CSMD3: variants seen among roughly 807,000 people sequenced by gnomAD.
The protein encoded by CSMD3 is CUB and sushi domain-containing protein 3.
A neutral mutation model predicts 435.2 loss-of-function variants in CSMD3; 177 were observed. The ratio of observed to expected loss-of-function variants is 0.41; its 90% CI spans 0.36 to 0.46. The LOEUF is 0.46. Ranked by LOEUF, CSMD3 falls within the 20% of genes least tolerant of loss-of-function variation. CSMD3 has a pLI of 0.34. For missense variants in CSMD3, 4,265 were observed against 4,504.6 expected, an observed-to-expected ratio of 0.95 and a Z score of 1.52; for synonymous variants, 1,656 against 1,520.5, an observed-to-expected ratio of 1.09 and a Z score of -2.07.
At chr8:112,804,976 T>A (rs16884105) in intron 12 of CSMD3, among the ~76,000 whole-genome samples, 4,200 of 152,214 alleles carry the variant, frequency 0.028, 92 homozygotes, top group East Asian at 0.074. Flanking sequence ...TGCTACTTAT[T>A]CTGTGATTTC....
chr8:112,426,345 A>C (rs1039892865), intron 32 of CSMD3, among the ~76,000 whole-genome samples: 1 of 152,144 alleles, frequency 6.6e-6, no homozygotes, highest in Admixed American at 6.6e-5. Context: ...TCATTTCATC[A>C]AAGCAACTAA....
chr8:113,079,730 T>C (rs939612772), intron 5 of CSMD3, among the ~76,000 whole-genome samples: 9 of 152,144 alleles, frequency 5.9e-5, no homozygotes, highest in African/African-American at 1.9e-4. Flanking sequence ...AAATGTTTTT[T>C]TCGTTTGATG....
At position 112,690,061 on chromosome 8, in the gene CSMD3, A is replaced by C. The variant is rs777545533; in HGVS notation, c.1973-11T>G. ...TTTCTTTCTCAATTTCTGGAAAAATAGAAGATAAAAGTCACCTTCCAAGGG... is the reference window on the plus strand; with the variant it reads ...TTTCTTTCTCAATTTCTGGAAAAATCGAAGATAAAAGTCACCTTCCAAGGG... On this transcript the variant is annotated splice_polypyrimidine_tract_variant and intron_variant, in intron 13 of 70. Coordinates refer to ENST00000297405, the MANE Select transcript of CSMD3 (RefSeq NM_198123.2). 6.2e-7 allele frequency: 1 copy of C among 1,609,554 alleles called. No individual in the cohort carries two copies. Among genetic ancestry groups the C allele is most frequent in the Non-Finnish European group, 8.5e-7 (1 of 1,176,226 alleles).
intron 1 of CSMD3, among the ~76,000 whole-genome samples, chr8:113,354,612 T>C (rs962805828): frequency 6.6e-6 from 1 of 152,044 alleles, no homozygotes; most frequent in East Asian, 1.9e-4. Flanking sequence ...TAACATAACA[T>C]AGAAATTTGT....
intron 32 of CSMD3, among the ~76,000 whole-genome samples, chr8:112,422,120 C>T (rs1051154988): frequency 4.6e-5 from 7 of 152,056 alleles, no homozygotes; most frequent in Non-Finnish European, 8.8e-5. Context: ...ACATTAAAAA[C>T]TACTGAGAAA....
At chr8:112,964,579 T>C (rs1004256311) in intron 7 of CSMD3, among the ~76,000 whole-genome samples, 2 of 151,934 alleles carry the variant, frequency 1.3e-5, no homozygotes, top group African/African-American at 4.8e-5. Context: ...CAAATAATCA[T>C]CTAGTCCTTT....
intron 34 of CSMD3, among the ~76,000 whole-genome samples, chr8:112,407,315 T>C (rs188280715): frequency 2.6e-5 from 4 of 152,216 alleles, no homozygotes; most frequent in East Asian, 3.9e-4. Flanking sequence ...TTAATAATCA[T>C]ACAATATCAG....
intron 10 of CSMD3, among the ~76,000 whole-genome samples, chr8:112,881,514 G>A (rs568893279): frequency 6.4e-4 from 98 of 152,132 alleles, no homozygotes; most frequent in Non-Finnish European, 1.2e-3. Flanking sequence ...TTGTGAACAG[G>A]TTGTAGCCCT....
intron 35 of CSMD3, among the ~76,000 whole-genome samples, chr8:112,394,208 T>C (rs1015489724): frequency 6.6e-6 from 1 of 152,162 alleles, no homozygotes; most frequent in Non-Finnish European, 1.5e-5. Flanking sequence ...TACATTTACA[T>C]CTATTCTCAA....
chr8:113,292,841 A>G (rs1276171423), intron 2 of CSMD3, among the ~76,000 whole-genome samples: 4 of 151,872 alleles, frequency 2.6e-5, no homozygotes, highest in Non-Finnish European at 4.4e-5. Flanking sequence ...TAAAAAATGA[A>G]CTAATATGTT....
chr8:112,747,097 C>G (rs1400009513), intron 13 of CSMD3, among the ~76,000 whole-genome samples: 2 of 148,502 alleles, frequency 1.3e-5, no homozygotes, highest in Non-Finnish European at 3.0e-5. Flanking sequence ...TAATTCTACT[C>G]TTTCCTCTAG....
At chr8:112,491,618 C>G (rs891929011) in intron 31 of CSMD3, among the ~76,000 whole-genome samples, 25 of 152,090 alleles carry the variant, frequency 1.6e-4, no homozygotes, top group Non-Finnish European at 3.2e-4. Context: ...CACTGCACTC[C>G]AGCCTGAGCA....
intron 5 of CSMD3, among the ~76,000 whole-genome samples, chr8:113,047,346 G>A (rs544943755): frequency 1.7e-4 from 26 of 152,326 alleles, no homozygotes; most frequent in African/African-American, 6.3e-4. Flanking sequence ...TTCTGGCACA[G>A]AGAATGTGAC....
chr8:112,343,001 T>TATATTTA (rs1554647587), intron 41 of CSMD3, among the ~76,000 whole-genome samples: 2 of 109,678 alleles, frequency 1.8e-5, no homozygotes, highest in South Asian at 2.7e-4. Context: ...ATATATATAT[T>TATATTTA]TATATATATA....
At chr8:112,311,565 T>C (rs1352999642) in intron 49 of CSMD3, among the ~76,000 whole-genome samples, 8 of 152,188 alleles carry the variant, frequency 5.3e-5, no homozygotes, top group Admixed American at 5.2e-4. Context: ...CATGTCACTT[T>C]GAAGTTATAT....
intron 35 of CSMD3, among the ~76,000 whole-genome samples, chr8:112,398,999 C>A (rs1025431106): frequency 2.0e-5 from 3 of 151,846 alleles, no homozygotes; most frequent in Non-Finnish European, 4.4e-5. Flanking sequence ...TCACTGCAAC[C>A]TCTGCCTCCC....
intron 13 of CSMD3, among the ~76,000 whole-genome samples, chr8:112,779,601 T>C (rs1314705223): frequency 6.6e-6 from 1 of 152,060 alleles, no homozygotes; most frequent in African/African-American, 2.4e-5. Flanking sequence ...TGTTAAGCTA[T>C]TGAATTTGGG....
At chr8:112,947,313 T>C (rs2083645484) in intron 9 of CSMD3, among the ~76,000 whole-genome samples, 1 of 151,836 alleles carries the variant, frequency 6.6e-6, no homozygotes, top group Non-Finnish European at 1.5e-5. Flanking sequence ...ATATAAAACT[T>C]CTACTGAAGT....
chr8:112,552,870 G>C, intron 25 of CSMD3, 150 bp from the exon 26 acceptor site: 1 of 662,310 alleles, frequency 1.5e-6, no homozygotes, highest in South Asian at 1.8e-5. Flanking sequence ...ATCAATTGAA[G>C]CAAGAATATA....
Sources: allele counts gnomAD v4.1 joint callset (sites outside exome capture counted in the v4.1 genomes callset), GRCh38; gene constraint gnomAD v4.1.1; transcripts MANE v1.5; gene names NCBI Gene and HGNC (gene_info 2026-07-23, HGNC 2026-07-21).